TADA2A: variants seen among roughly 807,000 people sequenced by gnomAD.
TADA2A encodes transcriptional adaptor 2A.
Under a neutral mutation model 67.4 loss-of-function variants are expected in TADA2A, and 38 were observed. The ratio of observed to expected loss-of-function variants is 0.56; its 90% CI spans 0.44 to 0.74. The LOEUF (loss-of-function observed/expected upper bound fraction) is 0.74. Ranked by LOEUF, TADA2A falls within the 30% of genes least tolerant of loss-of-function variation. The pLI is 0.00. For missense variants in TADA2A, 454 were observed against 547.0 expected (o/e 0.83, Z 1.70); for synonymous variants, 192 against 181.6 (o/e 1.06, Z -0.46).
intron 2 of TADA2A, among the ~76,000 whole-genome samples, chr17:37,420,936 T>C (rs894676290): frequency 6.8e-6 from 1 of 146,846 alleles, no homozygotes; most frequent in African/African-American, 2.5e-5. Context: ...GAGGCCGAAT[T>C]TGGGGCAACC....
At chr17:37,456,519 A>T (rs2053396090) in intron 8 of TADA2A, among the ~76,000 whole-genome samples, 2 of 152,196 alleles carry the variant, frequency 1.3e-5, no homozygotes, top group Admixed American at 1.3e-4. Flanking sequence ...GTAAGCGTTA[A>T]GTGCAGTGTG....
intron 4 of TADA2A, among the ~76,000 whole-genome samples, chr17:37,428,939 G>C (rs139708561): frequency 6.6e-6 from 1 of 151,726 alleles, no homozygotes; most frequent in African/African-American, 2.4e-5. Flanking sequence ...CCAGCTACTC[G>C]GGAGGTTGAG....
intron 10 of TADA2A, among the ~76,000 whole-genome samples, chr17:37,464,576 A>G (rs931133361): frequency 2.6e-5 from 4 of 151,698 alleles, no homozygotes; most frequent in African/African-American, 9.7e-5. Flanking sequence ...GCGGTGGCTC[A>G]CACCTGTAAT....
At chr17:37,437,884 G>T (rs372980096) in intron 5 of TADA2A, 55 bp downstream of exon 5, 1 of 1,526,888 alleles carries the variant, frequency 6.5e-7, no homozygotes, top group Non-Finnish European at 9.1e-7. Flanking sequence ...AGAAGAAGCT[G>T]TTGTTGAAGA....
chr17:37,454,425 G>A (rs888834890), intron 8 of TADA2A: 3 of 152,278 alleles, frequency 2.0e-5, no homozygotes, highest in Non-Finnish European at 4.4e-5. Context: ...CTCCTGAGTA[G>A]CTGGGATTAC....
intron 7 of TADA2A, 137 bp from the exon 8 acceptor site, chr17:37,444,559 G>A (rs2053019565): frequency 1.4e-6 from 1 of 721,900 alleles, no homozygotes; most frequent in South Asian, 1.8e-5. Flanking sequence ...CAGTATTGTG[G>A]CCTTTTGCCA....
At chr17:37,460,515 G>A (rs1055746895) in intron 9 of TADA2A, among the ~76,000 whole-genome samples, 1 of 152,066 alleles carries the variant, frequency 6.6e-6, no homozygotes, top group African/African-American at 2.4e-5. Flanking sequence ...AAAGTGCTGG[G>A]ATTACAGGCA....
rs555585377 is a variant in TADA2A at position 37,419,993 on chromosome 17, C to T, written c.26-3516C>T. The stretch of plus-strand genomic sequence containing the variant: ...TCGCGCCACTGCACTTCAGCCTGGG[C>T]GACAGAGCAAGACTCCGTCTCAAAA... On this transcript the variant is annotated intron_variant, in intron 2 of 15. Transcript: ENST00000615182. 1.4e-5 allele frequency among the ~76,000 whole-genome samples: 2 copies of T among 138,332 alleles called. 1 individual carries two copies. The highest frequency in any genetic ancestry group is 1.5e-4 in the Admixed American group (2 of 13,230). 90.8% of individuals were successfully genotyped at this position (138,332 alleles called of 152,430 possible). A position where few individuals can be genotyped will look rare whatever the true frequency, so the allele number is the denominator to read the frequency against.
chr17:37,469,109 G>C (rs1190926765), intron 12 of TADA2A, among the ~76,000 whole-genome samples: 1 of 150,874 alleles, frequency 6.6e-6, no homozygotes, highest in Non-Finnish European at 1.5e-5. Flanking sequence ...GTTTATCCAT[G>C]TTGGTCAGGC....
chr17:37,476,059 T>C (rs761170845), intron 15 of TADA2A, among the ~76,000 whole-genome samples: 3 of 152,206 alleles, frequency 2.0e-5, no homozygotes, highest in Non-Finnish European at 2.9e-5. Flanking sequence ...GTTAGTCTTA[T>C]TTTATCCACC....
chr17:37,430,855 A>G (rs1018140294), intron 4 of TADA2A, among the ~76,000 whole-genome samples: 8 of 152,348 alleles, frequency 5.3e-5, no homozygotes, highest in Admixed American at 2.6e-4. Context: ...AGTCTCTTCA[A>G]CTAATGTGTG....
At chr17:37,450,101 A>T (rs574122610) in intron 8 of TADA2A, among the ~76,000 whole-genome samples, 1 of 152,310 alleles carries the variant, frequency 6.6e-6, no homozygotes, top group African/African-American at 2.4e-5. Context: ...CAAACTCATA[A>T]TGTCTTAAAA....
At chr17:37,432,962 AGTTT>A (rs1225197264) in intron 4 of TADA2A, among the ~76,000 whole-genome samples, 1 of 56,374 alleles carries the variant, frequency 1.8e-5, no homozygotes, top group Non-Finnish European at 3.6e-5. Flanking sequence ...TACTTTTTGC[AGTTT>A]GTTTAATTCA....
At position 37,470,535 on chromosome 17, in the gene TADA2A, G is replaced by A; in HGVS notation, c.1028+3G>A. ...TGGCTCCGCCGGCAAGCTGACATGT[G>A]AGTAATTACTCCAGGGTGAAGGAGG... is the stretch of plus-strand genomic sequence containing the variant. On this transcript the variant is annotated splice_donor_region_variant and intron_variant, in intron 13 of 15. Transcript: ENST00000615182. 2 of 1,552,696 alleles carry A rather than the reference G, an allele frequency of 1.3e-6. No homozygotes were observed. The highest frequency in any genetic ancestry group is 1.7e-6 in the Non-Finnish European group (2 of 1,153,290).
At position 37,406,902 on chromosome 17, in the gene TADA2A, C is replaced by T. The variant is rs914470038; in HGVS notation, c.-145C>T. ...GGGGCGCGCACGCAAAGCCCGGAGG[C>T]GCGCGCGACCGGCGGCTCTTTGGCG... On this transcript the variant is annotated 5_prime_UTR_variant, in exon 1 of 16. Coordinates refer to ENST00000615182, the MANE Select transcript of TADA2A (RefSeq NM_001166105.3). 1.5e-5 allele frequency: 2 copies of T among 130,548 alleles called. No homozygotes were observed. Among genetic ancestry groups the T allele is most frequent in the East Asian group, 2.6e-4 (1 of 3,900 alleles). The allele number at this position is 130,548 out of a possible 1,614,324, so 8.1% of individuals were successfully genotyped here.
chr17:37,434,423 C>T lies in TADA2A; in HGVS notation c.193-3315C>T, dbSNP rs535291521. On this transcript the variant is annotated intron_variant, in intron 4 of 15. Transcript: ENST00000615182. ...CTCTGGGTACACCGCCCTCTACCTC[C>T]ATGTGTTCAGCAGCCCGGAAGCTCC... Among the ~76,000 whole-genome samples, 27 of 152,336 alleles carry T rather than the reference C, an allele frequency of 1.8e-4. No individual in the cohort carries two copies. In the South Asian group the frequency reaches 5.6e-3, roughly 32 times the overall value.
chr17:37,443,502 C>T (rs982045700), intron 7 of TADA2A, among the ~76,000 whole-genome samples: 1 of 152,168 alleles, frequency 6.6e-6, no homozygotes, highest in Non-Finnish European at 1.5e-5. Flanking sequence ...AATCCACCAG[C>T]CTCGGCCTCC....
Position 37,477,285 on chromosome 17 carries a change from T to G in TADA2A, c.*303T>G, listed in dbSNP as rs898178363. On this transcript the variant is annotated 3_prime_UTR_variant, in exon 16 of 16. Transcript: ENST00000615182. ...ACCATAGTACCTCACATCACAGTGCTGGTAGAAATGGAACTAAACCACAGT... is the reference window on the plus strand; with the variant it reads ...ACCATAGTACCTCACATCACAGTGCGGGTAGAAATGGAACTAAACCACAGT... 1 of 280,722 alleles carries G rather than the reference T, an allele frequency of 3.6e-6. No individual in the cohort carries two copies. Among genetic ancestry groups the G allele is most frequent in the South Asian group, 1.2e-4 (1 of 8,150 alleles). 17.4% of individuals were successfully genotyped at this position (280,722 alleles called of 1,614,324 possible). A position where few individuals can be genotyped will look rare whatever the true frequency, so the allele number is the denominator to read the frequency against.
At chr17:37,410,358 A>G (rs1382813754) in intron 1 of TADA2A, among the ~76,000 whole-genome samples, 1 of 146,224 alleles carries the variant, frequency 6.8e-6, no homozygotes, top group Non-Finnish European at 1.5e-5. Flanking sequence ...TTTTTTTTTT[A>G]AGAGATGGGG....
Sources: allele counts gnomAD v4.1 joint callset (sites outside exome capture counted in the v4.1 genomes callset), GRCh38; gene constraint gnomAD v4.1.1; transcripts MANE v1.5; gene names NCBI Gene and HGNC (gene_info 2026-07-23, HGNC 2026-07-21).